Variants in EFEMP2 observed in about 807,000 individuals in gnomAD.
EFEMP2 encodes the protein EGF-like fibulin extracellular matrix protein 2, also known as EGF-containing fibulin-like extracellular matrix protein 2.
EFEMP2 carries 21 observed loss-of-function variants against 55.3 expected under a neutral mutation model. The ratio of observed to expected loss-of-function variants is 0.38; its 90% CI spans 0.27 to 0.55. The LOEUF (loss-of-function observed/expected upper bound fraction) is 0.55, where lower values mean the gene tolerates loss of function less well. Ranked by LOEUF, EFEMP2 falls within the 20% of genes least tolerant of loss-of-function variation. The probability of loss-of-function intolerance (pLI) is 0.77; values close to 1 mark genes in which losing one functional copy is unlikely to be tolerated. For synonymous variants in EFEMP2, 275 were observed against 242.3 expected, an observed-to-expected ratio of 1.14 and a Z score of -1.25; for missense variants, 513 against 615.1, an observed-to-expected ratio of 0.83 and a Z score of 1.76.
intron 7 of EFEMP2, chr11:65,869,374 G>C (rs1295402703): frequency 9.4e-6 from 2 of 212,810 alleles, no homozygotes; most frequent in Non-Finnish European, 1.9e-5. Context: ...TAGGATTCTT[G>C]AGAGGAAGGA....
chr11:65,868,719 G>T, intron 7 of EFEMP2, 90 bp from the exon 8 acceptor site: 1 of 1,556,760 alleles, frequency 6.4e-7, no homozygotes, highest in Non-Finnish European at 8.8e-7. Flanking sequence ...CCAGCCCCAT[G>T]TTAGACTGAA....
chr11:65,870,823 G>T, intron 4 of EFEMP2, 165 bp from the exon 5 acceptor site: 1 of 970,362 alleles, frequency 1.0e-6, no homozygotes, highest in Non-Finnish European at 1.6e-6. Flanking sequence ...CATGTTGGGG[G>T]TTGCACAGGA....
rs769395741 is a variant in EFEMP2, at chr11:65,867,969, C to A, written c.1062G>T (p.Arg354=). ...VHRYMTITSE[R]SVPADVFQIQ... ...TCTGGAACACGTCAGCGGGCACGCT[C>A]CGCTCCGAGGTGATGGTCATGTAGC... Residue 354 remains arginine (R), a synonymous_variant, in exon 10 of 11, where the codon CGG becomes CGT. Transcript: ENST00000307998. 1 of 1,614,108 alleles carries A rather than the reference C, an allele frequency of 6.2e-7. No individual in the cohort carries two copies. Among genetic ancestry groups the A allele is most frequent in the East Asian group, 2.2e-5 (1 of 44,878 alleles).
chr11:65,869,359 C>A (rs141853205), intron 7 of EFEMP2: 106 of 196,584 alleles, frequency 5.4e-4, no homozygotes, highest in Non-Finnish European at 9.8e-4. Flanking sequence ...GAAAATCATA[C>A]CTCCTAGGAT....
chr11:65,868,092 C>T (rs1189881860), intron 9 of EFEMP2, 36 bp from the exon 10 acceptor site: 3 of 1,605,568 alleles, frequency 1.9e-6, no homozygotes, highest in African/African-American at 1.3e-5. Flanking sequence ...AAATGAGCTC[C>T]TTGCCCGTCC....
chr11:65,867,709 G>C (rs1859879993), intron 10 of EFEMP2, 152 bp downstream of exon 10: 1 of 791,840 alleles, frequency 1.3e-6, no homozygotes, highest in East Asian at 2.7e-5. Context: ...ATTGCATTTA[G>C]AGTACCCCCG....
In EFEMP2 at chr11:65,868,515, C is replaced by T; in HGVS notation, c.842G>A (p.Cys281Tyr). The T allele has an allele frequency of 6.2e-7, 1 of 1,614,024 alleles. No individual in the cohort carries two copies. The highest frequency in any genetic ancestry group is 1.1e-5 in the South Asian group (1 of 91,090). The change falls in exon 8 of 11, where the codon TGC becomes TAC. Residue 281 changes from cysteine (C) to tyrosine (Y), a missense_variant. Cys to Tyr is a radical substitution (Grantham distance 194, BLOSUM62 -2). Transcript: ENST00000307998. ...CCCACCCGGGCAACCTGTACCTTGGCAGAGGCGTGTGGCCAGCAGCTGGTA... is the reference window on the plus strand; with the variant it reads ...CCCACCCGGGCAACCTGTACCTTGGTAGAGGCGTGTGGCCAGCAGCTGGTA... ...QGYQLLATRLCQDIDECESGA... is the reference protein window; with the variant it reads ...QGYQLLATRLYQDIDECESGA...
intron 10 of EFEMP2, 117 bp from the exon 11 acceptor site, chr11:65,867,196 C>A (rs1425292797): frequency 7.9e-7 from 1 of 1,270,364 alleles, no homozygotes; most frequent in East Asian, 2.4e-5. Flanking sequence ...CCTGGCCAGG[C>A]TGCCACCCCA....
At chr11:65,867,500 C>T (rs1166001777) in intron 10 of EFEMP2, 8 of 435,068 alleles carry the variant, frequency 1.8e-5, no homozygotes, top group Admixed American at 1.1e-4. Flanking sequence ...TCACTGTGAG[C>T]AGCTCACTGT....
intron 10 of EFEMP2, chr11:65,867,361 G>T: frequency 1.9e-6 from 1 of 535,496 alleles, no homozygotes; most frequent in Non-Finnish European, 3.4e-6. Context: ...TGGCTCTTGG[G>T]ACTGGTGGGA....
At position 65,870,582 on chromosome 11, in the gene EFEMP2, C is replaced by T. The variant is rs1859948174; in HGVS notation, c.444G>A (p.Gln148=). ...TGCGGTAACCATCAGGGCAGGTGCA[C>T]TGATAGGAGCCAGGCAAGTTATGGC... ...QDCHNLPGSY[Q]CTCPDGYRKI... Residue 148 remains glutamine (Q), a synonymous_variant, in exon 5 of 11, where the codon CAG becomes CAA. Transcript: ENST00000307998. The T allele has an allele frequency of 6.2e-7, 1 of 1,613,956 alleles. No homozygotes were observed.
At chr11:65,867,643 C>G in intron 10 of EFEMP2, 1 of 616,964 alleles carries the variant, frequency 1.6e-6, no homozygotes, top group Admixed American at 2.5e-5. Context: ...AAACCAGTAC[C>G]AGGACTCAAA....
In EFEMP2 at chr11:65,871,984, C is replaced by T; in HGVS notation, c.146G>A (p.Ser49Asn). 1 of 1,551,670 alleles carries T rather than the reference C, an allele frequency of 6.4e-7. No homozygotes were observed. Among genetic ancestry groups the T allele is most frequent in the Non-Finnish European group, 8.7e-7 (1 of 1,146,974 alleles). ...GGCACACACACCCCGGCAGTGCTGG[C>T]TGTCTGGGTCCCACTCATAGCCATC... The part of the protein sequence containing the change: ...CTDGYEWDPD[S>N]QHCRDVNECL... The change falls in exon 3 of 11, where the codon AGC becomes AAC. Residue 49 changes from serine (S) to asparagine (N), a missense_variant. Ser to Asn is a conservative substitution (Grantham distance 46, BLOSUM62 1). Transcript: ENST00000307998.
At chr11:65,867,129 T>C in intron 10 of EFEMP2, 50 bp from the exon 11 acceptor site, 1 of 1,609,328 alleles carries the variant, frequency 6.2e-7, no homozygotes, top group South Asian at 1.1e-5. Flanking sequence ...GCCTGTGTGC[T>C]AGGCCCCTGC....
intron 4 of EFEMP2, 186 bp downstream of exon 4, chr11:65,870,971 G>A (rs775484258): frequency 2.7e-4 from 208 of 780,054 alleles, no homozygotes; most frequent in Middle Eastern, 6.2e-4. Context: ...GGAGGGGCCC[G>A]GAGCTGGCTG....
chr11:65,867,741 TC>T (rs2134746266), intron 10 of EFEMP2, 119 bp downstream of exon 10: 2 of 1,119,890 alleles, frequency 1.8e-6, no homozygotes, highest in Non-Finnish European at 2.7e-6. Flanking sequence ...AAACCCCGCC[TC>T]CGGGGGCGGG....
intron 10 of EFEMP2, 69 bp downstream of exon 10, chr11:65,867,792 T>TC (rs1859882697): frequency 1.3e-6 from 2 of 1,566,860 alleles, no homozygotes; most frequent in African/African-American, 2.7e-5. Flanking sequence ...CTGGCCGAGT[T>TC]CCCCCTTAAG....
chr11:65,867,143 A>C, intron 10 of EFEMP2, 64 bp from the exon 11 acceptor site: 1 of 1,601,012 alleles, frequency 6.2e-7, no homozygotes, highest in Non-Finnish European at 8.5e-7. Context: ...CCCCTGCCCC[A>C]GCGTCACCTC....
intron 7 of EFEMP2, chr11:65,869,036 CAACT>C (rs1445359067): frequency 9.8e-6 from 3 of 305,216 alleles, no homozygotes; most frequent in African/African-American, 6.5e-5. Flanking sequence ...TGGTCACCTC[CAACT>C]AACTGTGAGC....
Sources: allele counts gnomAD v4.1 joint callset, GRCh38; gene constraint gnomAD v4.1.1; transcripts MANE v1.5; gene names NCBI Gene and HGNC (gene_info 2026-07-23, HGNC 2026-07-21).